ACOT8: variants seen among roughly 807,000 people sequenced by gnomAD.
ACOT8 encodes acyl-coenzyme A thioesterase 8.
Under a neutral mutation model 38.4 loss-of-function variants are expected in ACOT8, and 31 were observed. That is an observed-to-expected ratio of 0.81 (90% CI 0.61 to 1.09). The LOEUF is 1.09. Among genes scored for constraint, ACOT8 ranks in the 50% least tolerant of loss-of-function variants. The pLI, the probability that ACOT8 is intolerant of heterozygous loss-of-function variation, is 0.00. For synonymous variants in ACOT8, 158 were observed against 170.3 expected (o/e 0.93, Z 0.56); for missense variants, 373 against 421.8 (o/e 0.88, Z 1.01).
chr20:45,857,075 G>C, intron 1 of ACOT8, 113 bp downstream of exon 1: 3 of 1,268,862 alleles, frequency 2.4e-6, no homozygotes, highest in Non-Finnish European at 3.3e-6. Context: ...GTGGCAGAGG[G>C]TGCATCCCAC....
At chr20:45,851,777 G>T (rs1005963880) in intron 2 of ACOT8, among the ~76,000 whole-genome samples, 1 of 152,112 alleles carries the variant, frequency 6.6e-6, no homozygotes, top group African/African-American at 2.4e-5. Flanking sequence ...TTACTATCTG[G>T]CCCTTTCTAG....
chr20:45,851,510 A>C (rs1795917510), intron 2 of ACOT8, among the ~76,000 whole-genome samples: 1 of 152,180 alleles, frequency 6.6e-6, no homozygotes, highest in Admixed American at 6.5e-5. Flanking sequence ...GAAAATTGTT[A>C]TTGGAACAGA....
intron 5 of ACOT8, 65 bp from the exon 6 acceptor site, chr20:45,842,021 TTCCTGAAAC>T (rs758154409): frequency 6.3e-7 from 1 of 1,583,284 alleles, no homozygotes; most frequent in Non-Finnish European, 8.6e-7. Flanking sequence ...TTTTTTTTTT[TTCCTGAAAC>T]AGAGTCTCAC....
chr20:45,844,213 T>C (rs766233159), intron 4 of ACOT8, 50 bp downstream of exon 4: 13 of 1,611,644 alleles, frequency 8.1e-6, no homozygotes, highest in Admixed American at 1.7e-5. Context: ...AGCAAATGAG[T>C]GGTAGACCCC....
At position 45,855,187 on chromosome 20, in the gene ACOT8, G is replaced by A. The variant is rs1277153194; in HGVS notation, c.234C>T (p.His78=). Residue 78 remains histidine (H), a synonymous_variant, in exon 2 of 6, where the codon CAC becomes CAT. Transcript: ENST00000217455. Reference sequence around the variant, plus strand: ...CCCGAACAAAGTAGCAGTGCAGGGAGTGCACGTGGACGTCTTCACTCACAG... The same window carrying A: ...CCCGAACAAAGTAGCAGTGCAGGGAATGCACGTGGACGTCTTCACTCACAG... ...AKSVSEDVHV[H]SLHCYFVRAG... 3 of 1,614,032 alleles carry A rather than the reference G, an allele frequency of 1.9e-6. No homozygotes were observed. Among genetic ancestry groups the A allele is most frequent in the East Asian group, 2.2e-5 (1 of 44,906 alleles).
intron 4 of ACOT8, 145 bp from the exon 5 acceptor site, chr20:45,843,866 T>C: frequency 9.1e-6 from 13 of 1,422,208 alleles, no homozygotes; most frequent in Non-Finnish European, 1.1e-5. Flanking sequence ...GTGTGTGTGA[T>C]AGGGGAGAAG....
chr20:45,842,011 T>G, intron 5 of ACOT8, 55 bp from the exon 6 acceptor site: 1 of 974,384 alleles, frequency 1.0e-6, no homozygotes, highest in Non-Finnish European at 1.5e-6. Flanking sequence ...CAAATACACT[T>G]TTTTTTTTTT....
chr20:45,842,438 G>A, intron 5 of ACOT8: 1 of 1,099,600 alleles, frequency 9.1e-7, no homozygotes, highest in Non-Finnish European at 1.1e-6. Flanking sequence ...TCGGCTCCCT[G>A]TATAATAAAT....
At chr20:45,842,112 A>G (rs1984226451) in intron 5 of ACOT8, 156 bp from the exon 6 acceptor site, 1 of 1,534,496 alleles carries the variant, frequency 6.5e-7, no homozygotes, top group African/African-American at 1.4e-5. Flanking sequence ...AGCAGCTGGG[A>G]TTACAGGCGC....
Position 45,857,326 on chromosome 20 carries a change from G to T in ACOT8, c.-11C>A. On this transcript the variant is annotated 5_prime_UTR_variant, in exon 1 of 6. Coordinates refer to ENST00000217455, the MANE Select transcript of ACOT8 (RefSeq NM_005469.4). ...CTGCGGGGACGACATCTAGTTCAATGCTGCAGGCCCTGCACACCCGCTCCG... is the reference window on the plus strand; with the variant it reads ...CTGCGGGGACGACATCTAGTTCAATTCTGCAGGCCCTGCACACCCGCTCCG... The T allele has an allele frequency of 6.3e-7, 1 of 1,590,638 alleles. No homozygotes were observed.
intron 2 of ACOT8, among the ~76,000 whole-genome samples, chr20:45,854,783 C>T (rs1985302535): frequency 6.8e-6 from 1 of 147,426 alleles, no homozygotes; most frequent in Non-Finnish European, 1.5e-5. Context: ...GCTCTCTTCT[C>T]CAACCCAAGC....
Position 45,855,352 on chromosome 20 carries a change from C to T in ACOT8, c.129-60G>A, listed in dbSNP as rs577668994. 33 of 1,588,776 alleles carry T rather than the reference C, an allele frequency of 2.1e-5. No individual in the cohort carries two copies. The Admixed American group carries it at 5.6e-4, about 27-fold the overall frequency. On this transcript the variant is annotated intron_variant, in intron 1 of 5. Coordinates refer to ENST00000217455, the MANE Select transcript of ACOT8 (RefSeq NM_005469.4). ...GAACTGGGCCAAATTCTACTACCCTCACTAAGACTCTAATGCATGATCTCT... is the reference window on the plus strand; with the variant it reads ...GAACTGGGCCAAATTCTACTACCCTTACTAAGACTCTAATGCATGATCTCT...
chr20:45,856,917 C>T (rs1601106193), intron 1 of ACOT8, among the ~76,000 whole-genome samples: 1 of 152,212 alleles, frequency 6.6e-6, no homozygotes, highest in Non-Finnish European at 1.5e-5. Context: ...GGCTAGCTCC[C>T]CCGTGAAGGC....
chr20:45,843,782 G>A (rs764700901), intron 4 of ACOT8, 61 bp from the exon 5 acceptor site: 2 of 1,586,504 alleles, frequency 1.3e-6, no homozygotes, highest in African/African-American at 1.3e-5. Flanking sequence ...CCTGCACGGA[G>A]GTAGGGGGAA....
rs536033555 is a variant in ACOT8 at position 45,857,380 on chromosome 20, T to A, written c.-65A>T. 3 of 1,520,344 alleles carry A rather than the reference T, an allele frequency of 2.0e-6. No homozygotes were observed. The highest frequency in any genetic ancestry group is 8.8e-7 in the Non-Finnish European group (1 of 1,131,926). 94.2% of individuals were successfully genotyped at this position (1,520,344 alleles called of 1,614,324 possible). ...AAGACGCGGAGACATACACAGAACCTGACTCTTCCGGCAGATTGCCCTAGT... is the reference window on the plus strand; with the variant it reads ...AAGACGCGGAGACATACACAGAACCAGACTCTTCCGGCAGATTGCCCTAGT... On this transcript the variant is annotated 5_prime_UTR_variant, in exon 1 of 6. Coordinates refer to ENST00000217455, the MANE Select transcript of ACOT8 (RefSeq NM_005469.4).
At chr20:45,842,205 A>T (rs749914808) in intron 5 of ACOT8, 188 of 1,449,696 alleles carry the variant, frequency 1.3e-4, no homozygotes, top group Non-Finnish European at 1.6e-4. Context: ...GGGTGCACTG[A>T]GTGTCGTGGC....
chr20:45,845,884 G>A (rs936773313), intron 3 of ACOT8, among the ~76,000 whole-genome samples: 1 of 150,496 alleles, frequency 6.6e-6, no homozygotes, highest in Non-Finnish European at 1.5e-5. Flanking sequence ...CCAGTCAGGA[G>A]TGCAGTGACT....
intron 3 of ACOT8, chr20:45,847,934 A>G (rs2868358): frequency 0.69 from 103,671 of 150,732 alleles, 35,712 homozygotes; most frequent in Admixed American, 0.74. Context: ...ATGCCCCGAC[A>G]CCCGGCTAAT....
At chr20:45,850,277 G>A (rs141228602) in intron 2 of ACOT8, among the ~76,000 whole-genome samples, 1 of 152,188 alleles carries the variant, frequency 6.6e-6, no homozygotes, top group Admixed American at 6.6e-5. Flanking sequence ...CTATGTGATT[G>A]GTTAGGAGTA....
Sources: allele counts gnomAD v4.1 joint callset (sites outside exome capture counted in the v4.1 genomes callset), GRCh38; gene constraint gnomAD v4.1.1; transcripts MANE v1.5; gene names NCBI Gene and HGNC (gene_info 2026-07-23, HGNC 2026-07-21).